AOPEP: variants seen among roughly 807,000 people sequenced by gnomAD.
The protein encoded by AOPEP is aminopeptidase O (putative).
Under a neutral mutation model 98.1 loss-of-function variants are expected in AOPEP, and 77 were observed. The ratio of observed to expected loss-of-function variants is 0.78; its 90% CI spans 0.65 to 0.95. The LOEUF (loss-of-function observed/expected upper bound fraction) is 0.95, where lower values mean the gene tolerates loss of function less well. Ranked by LOEUF, AOPEP falls within the 40% of genes least tolerant of loss-of-function variation. The pLI is 0.00. For missense variants in AOPEP, 1,024 were observed against 1,024.7 expected, an observed-to-expected ratio of 1.00 and a Z score of 0.01; for synonymous variants, 346 against 365.3, an observed-to-expected ratio of 0.95 and a Z score of 0.60.
At chr9:95,082,819 G>T in intron 16 of AOPEP, 100 bp downstream of exon 16, 2 of 1,366,846 alleles carry the variant, frequency 1.5e-6, no homozygotes, top group East Asian at 2.4e-5. Flanking sequence ...AAGACTACCC[G>T]CAGCATCAAT....
At chr9:95,101,859 A>G in the AOPEP span, 65 of 1,613,854 alleles carry the variant, frequency 4.0e-5, no homozygotes, top group South Asian at 7.0e-4. Flanking sequence ...ATCTGCAATC[A>G]GGACAGAAGA....
chr9:94,733,373 C>T (rs930748578), intron 1 of AOPEP, among the ~76,000 whole-genome samples: 3 of 152,042 alleles, frequency 2.0e-5, no homozygotes, highest in East Asian at 1.9e-4. Context: ...CTTCAAAGTG[C>T]GGGGATTACA....
chr9:94,840,271 T>G (rs990655565), intron 5 of AOPEP, among the ~76,000 whole-genome samples: 16 of 152,228 alleles, frequency 1.1e-4, no homozygotes, highest in Non-Finnish European at 2.4e-4. Flanking sequence ...TTTTTCTTTT[T>G]TAGGCTGTCA....
intron 10 of AOPEP, among the ~76,000 whole-genome samples, chr9:94,969,601 G>A (rs915126070): frequency 2.6e-5 from 4 of 151,956 alleles, no homozygotes; most frequent in African/African-American, 7.3e-5. Context: ...TAGAGATGGG[G>A]TTTCACCGTG....
At position 94,829,195 on chromosome 9, in the gene AOPEP, T is replaced by TAC. The variant is rs137955329; in HGVS notation, c.1364+28210_1364+28211dup. Among the ~76,000 whole-genome samples the TAC allele has an allele frequency of 6.1e-3, 917 of 150,542 alleles. 11 individuals are homozygous for TAC. The highest frequency in any genetic ancestry group is 0.045 in the South Asian group (213 of 4,776). Reference sequence around the variant, plus strand: ...CTAAGTTTCAAGATATAAACCAGTTTACACACACACACACACACGCACACG... The same window carrying TAC: ...CTAAGTTTCAAGATATAAACCAGTTTACACACACACACACACACACGCACACG... On this transcript the variant is annotated intron_variant, in intron 5 of 16. Coordinates refer to ENST00000375315, the MANE Select transcript of AOPEP (RefSeq NM_001193329.3).
intron 14 of AOPEP, chr9:95,065,304 G>A (rs916436213): frequency 2.0e-5 from 3 of 152,264 alleles, no homozygotes; most frequent in Admixed American, 6.5e-5. Flanking sequence ...CTGACGTCAG[G>A]TCCTGTCATC....
intron 13 of AOPEP, among the ~76,000 whole-genome samples, chr9:95,048,149 A>T (rs1287373290): frequency 6.6e-6 from 1 of 151,506 alleles, no homozygotes; most frequent in Non-Finnish European, 1.5e-5. Context: ...TTTCAGTTGC[A>T]GCCGGCCAGG....
At chr9:94,884,181 GAAGAAACCATTA>G (rs2047916752) in intron 5 of AOPEP, among the ~76,000 whole-genome samples, 1 of 152,198 alleles carries the variant, frequency 6.6e-6, no homozygotes, top group South Asian at 2.1e-4. Flanking sequence ...ATGGCGAGAA[GAAGAAACCATTA>G]AATTCCTTCT....
intron 4 of AOPEP, among the ~76,000 whole-genome samples, chr9:94,793,870 G>C (rs960104772): frequency 2.0e-5 from 3 of 152,184 alleles, no homozygotes; most frequent in African/African-American, 7.2e-5. Context: ...TACCTTTTAA[G>C]TTTGGTTTTC....
chr9:94,747,073 A>T (rs1834670130), intron 1 of AOPEP, among the ~76,000 whole-genome samples: 1 of 151,416 alleles, frequency 6.6e-6, no homozygotes, highest in South Asian at 2.1e-4. Flanking sequence ...TACATATCAC[A>T]ATAGAGTCTT....
chr9:94,928,353 G>A, intron 6 of AOPEP, 72 bp from the exon 7 acceptor site: 1 of 1,072,730 alleles, frequency 9.3e-7, no homozygotes, highest in Non-Finnish European at 1.4e-6. Flanking sequence ...GAAACAAAGT[G>A]AGCCATTGCA....
chr9:95,083,554 C>T (rs1253018886), intron 16 of AOPEP, among the ~76,000 whole-genome samples: 1 of 151,334 alleles, frequency 6.6e-6, no homozygotes, highest in African/African-American at 2.4e-5. Context: ...ACGCGGCACA[C>T]ACACCACACA....
rs1173712998 is a variant in AOPEP at position 94,930,056 on chromosome 9, TATG to T, written c.1661+1528_1661+1530del. ...TCCAGGACCTTCAGCAGGAAGGTGG[TATG>T]ATCTGCTCAGTATTTGGACGGTGCT... is the stretch of plus-strand genomic sequence containing the variant. On this transcript the variant is annotated intron_variant, in intron 7 of 16. Coordinates refer to ENST00000375315, the MANE Select transcript of AOPEP (RefSeq NM_001193329.3). This position sits in a 1 kb window ranked among gnomAD's most constrained non-coding sequence, Gnocchi z 4.5. 2.6e-5 allele frequency among the ~76,000 whole-genome samples: 4 copies of T among 152,172 alleles called. No individual in the cohort carries two copies. The highest frequency in any genetic ancestry group is 9.7e-5 in the African/African-American group (4 of 41,424).
At chr9:95,086,364 GCT>G (rs2070696749) in intron 16 of AOPEP, 1 of 985,476 alleles carries the variant, frequency 1.0e-6, no homozygotes, top group Non-Finnish European at 1.2e-6. Flanking sequence ...GCAGGGCCCA[GCT>G]CTCCCACGGC....
intron 14 of AOPEP, among the ~76,000 whole-genome samples, chr9:95,067,358 G>T (rs1375426835): frequency 1.3e-5 from 2 of 152,206 alleles, no homozygotes; most frequent in East Asian, 3.9e-4. Context: ...GTAGAGATTG[G>T]CTAAACTTTG....
intron 9 of AOPEP, among the ~76,000 whole-genome samples, chr9:94,967,183 A>T (rs183840085): frequency 6.6e-6 from 1 of 152,172 alleles, no homozygotes; most frequent in African/African-American, 2.4e-5. Flanking sequence ...AAAACTTATC[A>T]TCTAAACATC....
chr9:94,787,659 G>A (rs1451651262), intron 3 of AOPEP, among the ~76,000 whole-genome samples: 1 of 152,140 alleles, frequency 6.6e-6, no homozygotes, highest in Non-Finnish European at 1.5e-5. Context: ...CATTTTAATA[G>A]TACCTTGGTA....
At chr9:95,135,204 A>C in the AOPEP span, 3 of 855,982 alleles carry the variant, frequency 3.5e-6, no homozygotes, top group Non-Finnish European at 5.7e-6. Flanking sequence ...TGATTTCAAA[A>C]ATAAAATGTA....
At chr9:94,823,375 C>G (rs901614979) in intron 5 of AOPEP, among the ~76,000 whole-genome samples, 5 of 152,182 alleles carry the variant, frequency 3.3e-5, no homozygotes, top group Non-Finnish European at 7.4e-5. Flanking sequence ...ACCTTTTACT[C>G]CTTTATTAAC....
Sources: allele counts gnomAD v4.1 joint callset (sites outside exome capture counted in the v4.1 genomes callset), GRCh38; gene constraint gnomAD v4.1.1; non-coding constraint Gnocchi (gnomAD v3.1); transcripts MANE v1.5; gene names NCBI Gene and HGNC (gene_info 2026-07-23, HGNC 2026-07-21).